The following COL24A1 variants were observed in gnomAD, a reference collection of about 807,000 sequenced individuals.
COL24A1 encodes collagen alpha-1(XXIV) chain.
COL24A1 carries 224 observed loss-of-function variants against 253.9 expected under a neutral mutation model. That is an observed-to-expected ratio of 0.88 (90% CI 0.79 to 0.99). The LOEUF (loss-of-function observed/expected upper bound fraction) is 0.99. COL24A1 is among the 50% of genes least tolerant of loss of function. The probability of loss-of-function intolerance (pLI) is 0.00; values close to 1 mark genes in which losing one functional copy is unlikely to be tolerated. For missense variants in COL24A1, 2,131 were observed against 2,068.5 expected, an observed-to-expected ratio of 1.03 and a Z score of -0.59; for synonymous variants, 685 against 673.7, an observed-to-expected ratio of 1.02 and a Z score of -0.26.
At chr1:86,059,484 C>G (rs530052935) in intron 8 of COL24A1, among the ~76,000 whole-genome samples, 1 of 152,080 alleles carries the variant, frequency 6.6e-6, no homozygotes, top group Admixed American at 6.6e-5. Context: ...TTACCAGTAA[C>G]TTTTTTACCA....
At chr1:86,008,373 G>A (rs1696160864) in intron 19 of COL24A1, among the ~76,000 whole-genome samples, 2 of 152,030 alleles carry the variant, frequency 1.3e-5, no homozygotes, top group South Asian at 4.2e-4. Flanking sequence ...GCCTCCTGAG[G>A]AGCTGGGACT....
intron 52 of COL24A1, among the ~76,000 whole-genome samples, chr1:85,778,724 C>A (rs1369345668): frequency 6.6e-6 from 1 of 151,556 alleles, no homozygotes; most frequent in Non-Finnish European, 1.5e-5. Context: ...CCTGCCTCAG[C>A]CTCCCAGGTA....
chr1:85,848,794 T>C (rs1221240399), intron 38 of COL24A1, among the ~76,000 whole-genome samples: 2 of 152,232 alleles, frequency 1.3e-5, no homozygotes, highest in Admixed American at 6.5e-5. Context: ...AGAGGCTTTA[T>C]TTTATTTTTC....
chr1:86,056,012 G>A (rs945433107), intron 10 of COL24A1, among the ~76,000 whole-genome samples: 1 of 151,814 alleles, frequency 6.6e-6, no homozygotes, highest in Non-Finnish European at 1.5e-5. Context: ...CAGCTACTCA[G>A]GAGGTTGAGG....
chr1:86,055,947 A>G (rs988240931), intron 10 of COL24A1, among the ~76,000 whole-genome samples: 1 of 151,842 alleles, frequency 6.6e-6, no homozygotes, highest in Non-Finnish European at 1.5e-5. Flanking sequence ...ATGAATCCCC[A>G]TCTCTACTAA....
intron 43 of COL24A1, among the ~76,000 whole-genome samples, chr1:85,835,133 A>G (rs866383374): frequency 6.6e-6 from 1 of 151,830 alleles, no homozygotes; most frequent in Admixed American, 6.6e-5. Context: ...ATATATATAT[A>G]TTTTTTAGAT....
At chr1:86,001,174 T>C (rs1695372287) in intron 19 of COL24A1, among the ~76,000 whole-genome samples, 1 of 152,232 alleles carries the variant, frequency 6.6e-6, no homozygotes, top group Admixed American at 6.5e-5. Context: ...GTATCATCAC[T>C]GTCACATTGC....
intron 19 of COL24A1, among the ~76,000 whole-genome samples, chr1:86,013,612 G>A (rs1370875035): frequency 2.0e-5 from 3 of 152,292 alleles, no homozygotes; most frequent in African/African-American, 7.2e-5. Context: ...AAGGCAGGTG[G>A]ATCACCTGAG....
intron 24 of COL24A1, among the ~76,000 whole-genome samples, chr1:85,918,213 C>T (rs1686093995): frequency 1.3e-5 from 2 of 150,286 alleles, no homozygotes; most frequent in African/African-American, 4.9e-5. Flanking sequence ...AAATAATGGG[C>T]ATTCTTTTCT....
intron 14 of COL24A1, among the ~76,000 whole-genome samples, chr1:86,029,161 A>AC (rs1698316168): frequency 6.6e-6 from 1 of 151,658 alleles, no homozygotes; most frequent in African/African-American, 2.4e-5. Flanking sequence ...AAAAAAAAAA[A>AC]CATCACACAG....
chr1:85,739,494 C>T (rs574664956), intron 57 of COL24A1, among the ~76,000 whole-genome samples: 90 of 152,266 alleles, frequency 5.9e-4, no homozygotes, highest in Middle Eastern at 6.8e-3. Context: ...GTGTTGTGCC[C>T]GAAGGTGGCA....
chr1:86,063,484 C>G (rs531461281), intron 8 of COL24A1, among the ~76,000 whole-genome samples: 46 of 151,826 alleles, frequency 3.0e-4, no homozygotes, highest in Non-Finnish European at 2.7e-4. Context: ...AGCTACTAGT[C>G]TGAAACATAT....
intron 51 of COL24A1, among the ~76,000 whole-genome samples, chr1:85,781,566 T>TG (rs1669150627): frequency 6.6e-6 from 1 of 152,156 alleles, no homozygotes; most frequent in Non-Finnish European, 1.5e-5. Flanking sequence ...GCATTTTACA[T>TG]GTATGTTATA....
intron 47 of COL24A1, among the ~76,000 whole-genome samples, chr1:85,791,782 C>T (rs1670300663): frequency 6.6e-6 from 1 of 151,940 alleles, no homozygotes; most frequent in African/African-American, 2.4e-5. Context: ...TCATTACAGG[C>T]CAATATTAAC....
chr1:85,810,025 C>T lies in COL24A1; in HGVS notation c.3951+6763G>A, dbSNP rs183202334. On this transcript the variant is annotated intron_variant, in intron 47 of 59. Coordinates refer to ENST00000370571, the MANE Select transcript of COL24A1 (RefSeq NM_152890.7). ...TTCTATCTCTCTGAATTTGATTATC[C>T]TAGGTGAGGAAGGAGGTCAGCAGCA... Among the ~76,000 whole-genome samples, 50 of 151,790 alleles carry T rather than the reference C, an allele frequency of 3.3e-4. No individual in the cohort carries two copies. The East Asian group carries it at 9.5e-3, about 29-fold the overall frequency.
chr1:85,788,391 C>A (rs1669915311), intron 47 of COL24A1, among the ~76,000 whole-genome samples: 1 of 152,126 alleles, frequency 6.6e-6, no homozygotes, highest in African/African-American at 2.4e-5. Context: ...GCGCCTGGCC[C>A]TTTGCCCACT....
chr1:85,831,257 A>G (rs1268783760), intron 43 of COL24A1, among the ~76,000 whole-genome samples: 1 of 152,104 alleles, frequency 6.6e-6, no homozygotes, highest in Non-Finnish European at 1.5e-5. Flanking sequence ...CTTATCAAAC[A>G]GGATTCAGGA....
chr1:85,907,816 C>A (rs974627499), intron 27 of COL24A1, among the ~76,000 whole-genome samples: 2 of 151,544 alleles, frequency 1.3e-5, no homozygotes, highest in African/African-American at 4.8e-5. Context: ...TAAGACTCAA[C>A]TGGAAAACAA....
rs753030963 is a variant in COL24A1 at position 85,909,972 on chromosome 1, G to A, written c.2648C>T (p.Pro883Leu). 1.1e-5 allele frequency: 18 copies of A among 1,609,800 alleles called. No homozygotes were observed. The African/African-American group carries it at 1.5e-4, about 13-fold the overall frequency. Residue 883 changes from proline (P) to leucine (L), a missense_variant, in exon 26 of 60, where the codon CCG becomes CTG. By Grantham distance (98) the Pro-to-Leu change is moderately conservative (BLOSUM62 -3). Coordinates refer to ENST00000370571, the MANE Select transcript of COL24A1 (RefSeq NM_152890.7). ...GERGSPGPLG[P>L]QGEKGVMGYP... ...TACCATAACACCTTTTTCTCCCTGC[G>A]GACCTAGTGGGCCTGGACTTCCACG...
Sources: allele counts gnomAD v4.1 joint callset (sites outside exome capture counted in the v4.1 genomes callset), GRCh38; gene constraint gnomAD v4.1.1; transcripts MANE v1.5; gene names NCBI Gene and HGNC (gene_info 2026-07-23, HGNC 2026-07-21).